The following ZNF85 variants were observed in gnomAD, a reference collection of about 807,000 sequenced individuals.
ZNF85 encodes the protein zinc finger protein 85 (HPF4, HTF1).
In ZNF85, 50 loss-of-function variants were observed where a neutral mutation model predicts 53.9. The observed-to-expected ratio is 0.93, with a 90% CI of 0.74 to 1.17. The LOEUF (loss-of-function observed/expected upper bound fraction) is 1.17. ZNF85 is among the 50% of genes most tolerant of loss of function. ZNF85 has a pLI of 0.00. For synonymous variants in ZNF85, 225 were observed against 226.1 expected, an observed-to-expected ratio of 1.00 and a Z score of 0.04; for missense variants, 747 against 688.5, an observed-to-expected ratio of 1.08 and a Z score of -0.95.
chr19:20,946,043 CG>C (rs1277561187), intron 3 of ZNF85, among the ~76,000 whole-genome samples: 2 of 149,946 alleles, frequency 1.3e-5, no homozygotes, highest in Admixed American at 6.6e-5. Context: ...ATGCCTCAAA[CG>C]TTTTTTTTTT....
At chr19:20,925,479 T>G (rs1349246605) in intron 1 of ZNF85, among the ~76,000 whole-genome samples, 6 of 151,078 alleles carry the variant, frequency 4.0e-5, no homozygotes, top group African/African-American at 1.5e-4. Flanking sequence ...AAAGATTGAC[T>G]TCACCCAACC....
chr19:20,946,592 A>ACACACACACACCCCCACACACC (rs367859040), intron 3 of ZNF85, among the ~76,000 whole-genome samples: 1 of 151,432 alleles, frequency 6.6e-6, no homozygotes, highest in Non-Finnish European at 1.5e-5. Context: ...ACACACACAC[A>ACACACACACACCCCCACACACC]CCCCACAAAT....
intron 3 of ZNF85, chr19:20,937,073 A>C: frequency 4.8e-6 from 1 of 207,624 alleles, no homozygotes; most frequent in Non-Finnish European, 1.0e-5. Context: ...TCACTCTGTC[A>C]TCAGGCTGGA....
chr19:20,927,129 G>A (rs553591480), intron 1 of ZNF85: 1 of 152,200 alleles, frequency 6.6e-6, no homozygotes, highest in Admixed American at 6.5e-5. Context: ...TCAGGAGCCT[G>A]TGGGAAAAAA....
At chr19:20,946,435 TTC>T in intron 3 of ZNF85, 1 of 341,868 alleles carries the variant, frequency 2.9e-6, no homozygotes, top group Non-Finnish European at 5.6e-6. Flanking sequence ...CCTTCTAATA[TTC>T]TTTTTTTTTA....
chr19:20,932,860 A>T (rs11667715), intron 1 of ZNF85, among the ~76,000 whole-genome samples: 1 of 151,960 alleles, frequency 6.6e-6, no homozygotes, highest in African/African-American at 2.4e-5. Context: ...CACAGCCGTG[A>T]TGCTGTGTCA....
intron 3 of ZNF85, 110 bp downstream of exon 3, chr19:20,935,157 A>G (rs1231619072): frequency 7.9e-6 from 5 of 635,152 alleles, no homozygotes; most frequent in African/African-American, 5.7e-5. Flanking sequence ...CAAAGAAAAT[A>G]GTTTCTCAGA....
chr19:20,946,908 T>C (rs1055158451), intron 3 of ZNF85, among the ~76,000 whole-genome samples: 4 of 151,920 alleles, frequency 2.6e-5, no homozygotes, highest in African/African-American at 9.7e-5. Context: ...ATTGAAAGTA[T>C]GTCTTTTAAT....
At chr19:20,941,841 C>T (rs1181342875) in intron 3 of ZNF85, among the ~76,000 whole-genome samples, 8 of 152,036 alleles carry the variant, frequency 5.3e-5, no homozygotes, top group East Asian at 1.9e-4. Flanking sequence ...GTTGCTCATG[C>T]GTTTAATGTC....
rs147391636 is a variant in ZNF85, at chr19:20,939,475, G to A, written c.229+4428G>A. ...TCACCATATTGGCCAGGCTGGTCTC[G>A]GACTCCTGACCTAGTGACCCGCCCA... On this transcript the variant is annotated intron_variant, in intron 3 of 3. Transcript: ENST00000328178. Among the ~76,000 whole-genome samples the A allele has an allele frequency of 7.9e-3, 1,201 of 152,098 alleles. 16 individuals carry two copies. Among genetic ancestry groups the A allele is most frequent in the South Asian group, 0.033 (158 of 4,830 alleles).
At position 20,950,000 on chromosome 19, in the gene ZNF85, A is replaced by G. The variant is rs374726002; in HGVS notation, c.1486A>G (p.Thr496Ala). 20 of 1,612,436 alleles carry G rather than the reference A, an allele frequency of 1.2e-5. No individual in the cohort carries two copies. The highest frequency in any genetic ancestry group is 6.7e-5 in the Admixed American group (4 of 59,924). ...ECGKGFKWPS[T>A]LTIHKIIHTG... ...TGGCAAAGGTTTTAAATGGCCCTCA[A>G]CCCTTACTATCCATAAGATAATTCA... Residue 496 changes from threonine to alanine, a missense_variant, in exon 4 of 4, where the codon ACC becomes GCC. Coordinates refer to ENST00000328178, the MANE Select transcript of ZNF85 (RefSeq NM_003429.5).
intron 1 of ZNF85, among the ~76,000 whole-genome samples, chr19:20,930,637 G>C (rs113358975): frequency 0.012 from 1,821 of 152,290 alleles, 34 homozygotes; most frequent in African/African-American, 0.035. Context: ...CATAGTTCCT[G>C]CTTAATATAT....
chr19:20,948,881 G>T lies in ZNF85; in HGVS notation c.367G>T (p.Glu123Ter), dbSNP rs1348710230. The part of the protein sequence containing the change: ...PLRKGCESMD[E>*]CKMHKGGCNG... ...AAGAAAAGGCTGTGAAAGTATGGAT[G>T]AGTGTAAGATGCACAAAGGAGGTTG... Residue 123 changes from glutamate (E) to a stop codon, truncating the protein, a stop_gained, in exon 4 of 4, where the codon GAG becomes TAG. Transcript: ENST00000328178. LOFTEE classifies it high-confidence loss of function. 2 of 1,613,610 alleles carry T rather than the reference G, an allele frequency of 1.2e-6. No individual in the cohort carries two copies. Among genetic ancestry groups the T allele is most frequent in the Non-Finnish European group, 8.5e-7 (1 of 1,179,740 alleles).
chr19:20,949,456 C>A lies in ZNF85; in HGVS notation c.942C>A (p.Tyr314Ter). Residue 314 changes from tyrosine (Y) to a stop codon, truncating the protein, a stop_gained, in exon 4 of 4, where the codon TAC (tyrosine) becomes TAA (stop). Coordinates refer to ENST00000328178, the MANE Select transcript of ZNF85 (RefSeq NM_003429.5). LOFTEE classifies it high-confidence loss of function. ...HRKIHTGEKP[Y>*]KCEECGKAFK... ...AAATTCATACTGGAGAGAAACCTTA[C>A]AAATGTGAAGAATGTGGCAAAGCCT... is the stretch of plus-strand genomic sequence containing the variant. The A allele has an allele frequency of 6.2e-7, 1 of 1,613,460 alleles. No homozygotes were observed. Among genetic ancestry groups the A allele is most frequent in the Non-Finnish European group, 8.5e-7 (1 of 1,179,720 alleles).
At chr19:20,928,130 A>G (rs1388441461) in intron 1 of ZNF85, 3 of 152,236 alleles carry the variant, frequency 2.0e-5, no homozygotes, top group Non-Finnish European at 2.9e-5. Flanking sequence ...GGAATCCCCA[A>G]ATTTTAAACA....
chr19:20,948,679 C>G, intron 3 of ZNF85, 65 bp from the exon 4 acceptor site: 1 of 1,236,566 alleles, frequency 8.1e-7, no homozygotes, highest in Non-Finnish European at 1.1e-6. Context: ...TTATATATTA[C>G]ATTTGTAAAC....
intron 1 of ZNF85, among the ~76,000 whole-genome samples, chr19:20,924,061 G>C (rs1366281520): frequency 6.6e-6 from 1 of 150,592 alleles, no homozygotes; most frequent in African/African-American, 2.4e-5. Flanking sequence ...CTCCAGCCTG[G>C]GCAATAAGAG....
chr19:20,929,682 T>G (rs998039727), intron 1 of ZNF85, among the ~76,000 whole-genome samples: 1 of 152,194 alleles, frequency 6.6e-6, no homozygotes, highest in Non-Finnish European at 1.5e-5. Context: ...AAAACAGAAC[T>G]GGAAATACCC....
Position 20,949,607 on chromosome 19 carries a change from A to G in ZNF85, c.1093A>G (p.Thr365Ala), listed in dbSNP as rs1251805602. Reference sequence around the variant, plus strand: ...CCTTACCACACATGAGGTAATTCATACTGGAGAGAAACCCTACAAATGTGA... The same window carrying G: ...CCTTACCACACATGAGGTAATTCATGCTGGAGAGAAACCCTACAAATGTGA... ...AHLTTHEVIH[T>A]GEKPYKCEKC... The change falls in exon 4 of 4, where the codon ACT becomes GCT. Residue 365 changes from threonine to alanine, a missense_variant. Coordinates refer to ENST00000328178, the MANE Select transcript of ZNF85 (RefSeq NM_003429.5). 6.2e-7 allele frequency: 1 copy of G among 1,602,382 alleles called. No individual in the cohort carries two copies.
Sources: gnomAD v4.1 joint callset for allele counts (sites outside exome capture counted in the v4.1 genomes callset) on GRCh38, gnomAD v4.1.1 for gene constraint, MANE v1.5 for transcripts, NCBI Gene and HGNC (gene_info 2026-07-23, HGNC 2026-07-21) for gene names.